ZBTB20: variants seen among roughly 807,000 people sequenced by gnomAD.
ZBTB20 encodes zinc finger and BTB domain-containing protein 20.
A neutral mutation model predicts 56.9 loss-of-function variants in ZBTB20; 9 were observed. The ratio of observed to expected loss-of-function variants is 0.16; its 90% CI spans 0.10 to 0.28. ZBTB20 has a LOEUF of 0.28. Ranked by LOEUF, ZBTB20 falls within the 10% of genes least tolerant of loss-of-function variation. The pLI is 1.00. For missense variants in ZBTB20, 655 were observed against 1,003.0 expected (o/e 0.65, Z 4.69); for synonymous variants, 417 against 420.7 (o/e 0.99, Z 0.11).
At chr3:115,027,202 A>G (rs1355510122) in intron 2 of ZBTB20, among the ~76,000 whole-genome samples, 1 of 150,966 alleles carries the variant, frequency 6.6e-6, no homozygotes, top group African/African-American at 2.4e-5. Flanking sequence ...AATCTTCAAG[A>G]TTGGAAATTA....
chr3:115,006,243 T>C (rs1213158491), intron 2 of ZBTB20, among the ~76,000 whole-genome samples: 5 of 151,710 alleles, frequency 3.3e-5, no homozygotes, highest in Non-Finnish European at 7.4e-5. Flanking sequence ...TGAACTAGTT[T>C]GCTTGTTTGT....
At chr3:115,018,427 ATT>A (rs1230899449) in intron 2 of ZBTB20, among the ~76,000 whole-genome samples, 1 of 151,544 alleles carries the variant, frequency 6.6e-6, no homozygotes, top group African/African-American at 2.4e-5. Context: ...CATCTACTTA[ATT>A]TTTTAAATAT....
intron 11 of ZBTB20, among the ~76,000 whole-genome samples, chr3:114,342,912 TCAGCACAGAG>T (rs2108118458): frequency 6.6e-6 from 1 of 152,264 alleles, no homozygotes; most frequent in South Asian, 2.1e-4. Flanking sequence ...GGATAAAATG[TCAGCACAGAG>T]CACAGACAGA....
At chr3:114,993,208 C>T (rs766542465) in intron 2 of ZBTB20, among the ~76,000 whole-genome samples, 9 of 151,696 alleles carry the variant, frequency 5.9e-5, no homozygotes, top group African/African-American at 1.2e-4. Flanking sequence ...ATGTTCAGTA[C>T]TAACAAATGC....
intron 6 of ZBTB20, among the ~76,000 whole-genome samples, chr3:114,578,633 T>C (rs191927410): frequency 6.6e-5 from 10 of 151,966 alleles, no homozygotes; most frequent in Non-Finnish European, 1.0e-4. Flanking sequence ...TTAAGAATAG[T>C]TGACAGAACA....
Position 114,351,535 on chromosome 3 carries a change from C to T in ZBTB20, c.543G>A (p.Gln181=), listed in dbSNP as rs750629710. 1 of 1,614,086 alleles carries T rather than the reference C, an allele frequency of 6.2e-7. No homozygotes were observed. The highest frequency in any genetic ancestry group is 8.5e-7 in the Non-Finnish European group (1 of 1,180,038). Residue 181 remains glutamine, a synonymous_variant, in exon 11 of 12, where the codon CAG becomes CAA. Coordinates refer to ENST00000675478, the MANE Select transcript of ZBTB20 (RefSeq NM_001348800.3). ...TGCACTCGTCGATGACTGTTTTGAT[C>T]TGCAGGATGCTGGCGGCCGTGAGGA... The part of the protein sequence containing the change: ...LQILTAASIL[Q]IKTVIDECTR...
At chr3:114,355,651 G>A (rs931160764) in intron 10 of ZBTB20, among the ~76,000 whole-genome samples, 1 of 152,090 alleles carries the variant, frequency 6.6e-6, no homozygotes, top group African/African-American at 2.4e-5. Context: ...CATCCAATGG[G>A]CATTAATGTA....
chr3:114,654,772 G>A (rs1433641450), intron 6 of ZBTB20, among the ~76,000 whole-genome samples: 1 of 152,056 alleles, frequency 6.6e-6, no homozygotes, highest in Non-Finnish European at 1.5e-5. Flanking sequence ...GAACAAGAAT[G>A]TTAAAATCTC....
rs139705492 is a variant in ZBTB20 at position 114,437,252 on chromosome 3, A to G, written c.-254-48147T>C. On this transcript the variant is annotated intron_variant, in intron 7 of 11. Coordinates refer to ENST00000675478, the MANE Select transcript of ZBTB20 (RefSeq NM_001348800.3). ...CTTGTCTGGAGCTGGTGAACCACTA[A>G]AAAAATCCCTTGAGAGATGTCATGG... is the stretch of plus-strand genomic sequence containing the variant. Among the ~76,000 whole-genome samples, 458 of 152,214 alleles carry G rather than the reference A, an allele frequency of 3.0e-3. 3 individuals are homozygous for G. The highest frequency in any genetic ancestry group is 0.011 in the African/African-American group (439 of 41,544).
intron 7 of ZBTB20, among the ~76,000 whole-genome samples, chr3:114,496,740 A>G (rs967896950): frequency 5.9e-5 from 9 of 152,240 alleles, no homozygotes; most frequent in African/African-American, 2.2e-4. Flanking sequence ...CATAAGTTGC[A>G]ATTCAGTTCA....
At chr3:114,444,067 G>C (rs2091105408) in intron 7 of ZBTB20, among the ~76,000 whole-genome samples, 1 of 152,140 alleles carries the variant, frequency 6.6e-6, no homozygotes, top group Non-Finnish European at 1.5e-5. Flanking sequence ...GGAAAATGTG[G>C]TGTGTGCTTA....
chr3:114,403,717 CA>C (rs1489579660), intron 7 of ZBTB20, among the ~76,000 whole-genome samples: 2 of 151,846 alleles, frequency 1.3e-5, no homozygotes, highest in Non-Finnish European at 2.9e-5. Context: ...AACTTCACTT[CA>C]AAAAAATTAA....
intron 6 of ZBTB20, among the ~76,000 whole-genome samples, chr3:114,536,433 G>A (rs1310990602): frequency 2.6e-5 from 4 of 152,110 alleles, no homozygotes; most frequent in African/African-American, 7.2e-5. Flanking sequence ...ACTTACAGGG[G>A]ATGTGAAGGA....
intron 3 of ZBTB20, among the ~76,000 whole-genome samples, chr3:114,920,061 T>C (rs1302857166): frequency 1.3e-5 from 2 of 152,152 alleles, no homozygotes; most frequent in Non-Finnish European, 2.9e-5. Flanking sequence ...AGTGGTCAAT[T>C]CATTAAGAGG....
chr3:114,361,759 C>T (rs2081912206), intron 10 of ZBTB20, among the ~76,000 whole-genome samples: 1 of 152,152 alleles, frequency 6.6e-6, no homozygotes, highest in African/African-American at 2.4e-5. Context: ...CAGAAGGTAG[C>T]AAGGTCTCTA....
At chr3:114,768,999 C>A (rs529623761) in intron 5 of ZBTB20, among the ~76,000 whole-genome samples, 1 of 152,252 alleles carries the variant, frequency 6.6e-6, no homozygotes, top group South Asian at 2.1e-4. Context: ...TGAGTTGATA[C>A]CCATAGCACT....
chr3:115,040,233 T>C (rs2081085801), intron 2 of ZBTB20, among the ~76,000 whole-genome samples: 2 of 152,126 alleles, frequency 1.3e-5, no homozygotes, highest in South Asian at 2.1e-4. Flanking sequence ...CAGAGCCTGG[T>C]ATGTGCCAAA....
At chr3:114,743,737 C>T (rs548160610) in intron 5 of ZBTB20, 1 of 153,544 alleles carries the variant, frequency 6.5e-6, no homozygotes, top group Admixed American at 6.5e-5. Flanking sequence ...ATTCTGACCA[C>T]CTCCAGCTGA....
chr3:114,796,654 T>C (rs921675549), intron 5 of ZBTB20, among the ~76,000 whole-genome samples: 6 of 151,820 alleles, frequency 4.0e-5, no homozygotes, highest in African/African-American at 1.4e-4. Flanking sequence ...ACTGGACATC[T>C]AGGATGTATT....
Sources: allele counts gnomAD v4.1 joint callset (sites outside exome capture counted in the v4.1 genomes callset), GRCh38; gene constraint gnomAD v4.1.1; transcripts MANE v1.5; gene names NCBI Gene and HGNC (gene_info 2026-07-23, HGNC 2026-07-21).